ATF1: variants seen among roughly 807,000 people sequenced by gnomAD.
The protein encoded by ATF1 is cyclic AMP-dependent transcription factor ATF-1.
A neutral mutation model predicts 34.7 loss-of-function variants in ATF1; 16 were observed. The ratio of observed to expected loss-of-function variants is 0.46; its 90% CI spans 0.31 to 0.70. The LOEUF (loss-of-function observed/expected upper bound fraction) is 0.70. Ranked by LOEUF, ATF1 falls within the 30% of genes least tolerant of loss-of-function variation. ATF1 has a pLI of 0.05. For synonymous variants in ATF1, 105 were observed against 113.1 expected, an observed-to-expected ratio of 0.93 and a Z score of 0.46; for missense variants, 255 against 321.6, an observed-to-expected ratio of 0.79 and a Z score of 1.58.
In ATF1 at chr12:50,820,331, G is replaced by GGACTT. The variant is rs1373818033; in HGVS notation, c.*555_*559dup. 4 of 189,612 alleles carry GGACTT rather than the reference G, an allele frequency of 2.1e-5. No individual in the cohort carries two copies. Among genetic ancestry groups the GGACTT allele is most frequent in the African/African-American group, 7.0e-5 (3 of 42,944 alleles). The allele number at this position is 189,612 out of a possible 1,614,324, so 11.7% of individuals were successfully genotyped here. A position where few individuals can be genotyped will look rare whatever the true frequency, so the allele number is the denominator to read the frequency against. Reference sequence around the variant, plus strand: ...AGTGGGTTTTTAAAAGTTTGTTATTGGACTTGAATGGATTTTTGAGACTAG... The same window carrying GGACTT: ...AGTGGGTTTTTAAAAGTTTGTTATTGGACTTGACTTGAATGGATTTTTGAGACTAG... On this transcript the variant is annotated 3_prime_UTR_variant, in exon 7 of 7. Transcript: ENST00000262053.
At position 50,819,962 on chromosome 12, in the gene ATF1, C is replaced by G. The variant is rs1386752861; in HGVS notation, c.*183C>G. ...AAAGTGGAAAATGACCTCAAGGAAGCTACGGGCACAACTGGAAGCTTTGTA... is the reference window on the plus strand; with the variant it reads ...AAAGTGGAAAATGACCTCAAGGAAGGTACGGGCACAACTGGAAGCTTTGTA... On this transcript the variant is annotated 3_prime_UTR_variant, in exon 7 of 7. Transcript: ENST00000262053. 2 of 487,818 alleles carry G rather than the reference C, an allele frequency of 4.1e-6. No individual in the cohort carries two copies. The highest frequency in any genetic ancestry group is 7.1e-6 in the Non-Finnish European group (2 of 283,332). 30.2% of individuals were successfully genotyped at this position (487,818 alleles called of 1,614,324 possible).
chr12:50,781,290 T>C (rs927427750), intron 2 of ATF1, among the ~76,000 whole-genome samples: 5 of 152,222 alleles, frequency 3.3e-5, no homozygotes, highest in Non-Finnish European at 5.9e-5. Flanking sequence ...TGAATAGTTA[T>C]ACTATATGAC....
chr12:50,771,596 C>T (rs564277163), intron 1 of ATF1, among the ~76,000 whole-genome samples: 138 of 152,036 alleles, frequency 9.1e-4, no homozygotes, highest in Non-Finnish European at 1.6e-3. Flanking sequence ...TTCTCTTAGA[C>T]GGGGGGAAAT....
chr12:50,815,053 C>T (rs992640045), intron 6 of ATF1, among the ~76,000 whole-genome samples: 5 of 151,690 alleles, frequency 3.3e-5, no homozygotes, highest in East Asian at 1.9e-4. Context: ...ATCTGGGAGC[C>T]GAAGCTTGCA....
At chr12:50,774,965 C>G (rs919772422) in intron 1 of ATF1, among the ~76,000 whole-genome samples, 1 of 151,252 alleles carries the variant, frequency 6.6e-6, no homozygotes, top group Non-Finnish European at 1.5e-5. Flanking sequence ...AGAATGGTGT[C>G]GATCTCCTGA....
rs1202103977 is a variant in ATF1, at chr12:50,764,213, G to C, written c.-101G>C. On this transcript the variant is annotated 5_prime_UTR_variant, in exon 1 of 7. Transcript: ENST00000262053. ...GAGAAGGAGGCTTGTCCCCCGCTGC[G>C]TGAGGGGGTGGGGAAGTGGGTAGTG... is the stretch of plus-strand genomic sequence containing the variant. The C allele has an allele frequency of 6.6e-6, 1 of 152,022 alleles. No homozygotes were observed. Among genetic ancestry groups the C allele is most frequent in the Non-Finnish European group, 1.5e-5 (1 of 67,970 alleles). 9.4% of individuals were successfully genotyped at this position (152,022 alleles called of 1,614,324 possible).
At chr12:50,768,479 A>G (rs1940693126) in intron 1 of ATF1, among the ~76,000 whole-genome samples, 1 of 152,270 alleles carries the variant, frequency 6.6e-6, no homozygotes, top group South Asian at 2.1e-4. Context: ...AAGAGGCACC[A>G]GAGACCCCTT....
chr12:50,774,319 G>GC (rs747513135), intron 1 of ATF1, among the ~76,000 whole-genome samples: 1 of 152,202 alleles, frequency 6.6e-6, no homozygotes. Context: ...ACAGGCGTGA[G>GC]CCACCGCGCC....
rs138832141 is a variant in ATF1 at position 50,777,241 on chromosome 12, T to C, written c.-6-2899T>C. Among the ~76,000 whole-genome samples, 98 of 152,190 alleles carry C rather than the reference T, an allele frequency of 6.4e-4. 1 individual carries two copies. The highest frequency in any genetic ancestry group is 1.8e-3 in the African/African-American group (73 of 41,540). ...GGATACAAAATATGAGGATACAAAGTAGTACATGTAGTATGGTTATGACTT... is the reference window on the plus strand; with the variant it reads ...GGATACAAAATATGAGGATACAAAGCAGTACATGTAGTATGGTTATGACTT... On this transcript the variant is annotated intron_variant, in intron 1 of 6. Coordinates refer to ENST00000262053, the MANE Select transcript of ATF1 (RefSeq NM_005171.5).
At chr12:50,772,788 A>G (rs1488144778) in intron 1 of ATF1, among the ~76,000 whole-genome samples, 2 of 151,774 alleles carry the variant, frequency 1.3e-5, no homozygotes, top group East Asian at 3.9e-4. Context: ...TCCAGGGTAC[A>G]TGCACAGGAT....
At chr12:50,796,429 A>G (rs1204973904) in intron 3 of ATF1, among the ~76,000 whole-genome samples, 4 of 152,156 alleles carry the variant, frequency 2.6e-5, no homozygotes, top group Non-Finnish European at 4.4e-5. Flanking sequence ...GGCCGGATGC[A>G]GTGGCTTATG....
At chr12:50,772,523 A>G (rs1271349674) in intron 1 of ATF1, among the ~76,000 whole-genome samples, 1 of 151,852 alleles carries the variant, frequency 6.6e-6, no homozygotes, top group Non-Finnish European at 1.5e-5. Context: ...ACCGAGTTTC[A>G]CCATGTTGGT....
intron 1 of ATF1, among the ~76,000 whole-genome samples, chr12:50,777,872 A>G (rs1460690149): frequency 1.3e-5 from 2 of 152,014 alleles, no homozygotes; most frequent in African/African-American, 4.8e-5. Context: ...GAAGCCTGGC[A>G]GCTACCTAGC....
chr12:50,786,405 C>T (rs578116060), intron 2 of ATF1, among the ~76,000 whole-genome samples: 81 of 152,234 alleles, frequency 5.3e-4, no homozygotes, highest in Non-Finnish European at 9.4e-4. Flanking sequence ...CAAGTGTAGG[C>T]AAGCGTGAGC....
At chr12:50,815,995 C>T (rs371330273) in intron 6 of ATF1, among the ~76,000 whole-genome samples, 2 of 152,284 alleles carry the variant, frequency 1.3e-5, no homozygotes, top group South Asian at 4.1e-4. Flanking sequence ...ATCACATTCT[C>T]ACTTATATGT....
intron 1 of ATF1, 125 bp downstream of exon 1, chr12:50,764,432 G>C (rs1217506967): frequency 6.6e-6 from 1 of 151,674 alleles, no homozygotes; most frequent in Admixed American, 6.6e-5. Context: ...TGGTGGCGGT[G>C]GGGGAGGGGC....
chr12:50,796,434 C>G (rs1260055570), intron 3 of ATF1, among the ~76,000 whole-genome samples: 3 of 152,152 alleles, frequency 2.0e-5, no homozygotes, highest in Non-Finnish European at 4.4e-5. Flanking sequence ...GATGCAGTGG[C>G]TTATGCCTGT....
chr12:50,764,476 G>T (rs903554662), intron 1 of ATF1, 169 bp downstream of exon 1: 1 of 151,902 alleles, frequency 6.6e-6, no homozygotes, highest in African/African-American at 2.4e-5. Flanking sequence ...CCGCGCTTCC[G>T]GCCTCCGCGC....
chr12:50,791,482 G>A (rs1941301026), intron 2 of ATF1, among the ~76,000 whole-genome samples: 1 of 152,144 alleles, frequency 6.6e-6, no homozygotes, highest in Admixed American at 6.5e-5. Flanking sequence ...TTTGAACCCA[G>A]GGGTGGAGGT....
Sources: allele counts gnomAD v4.1 joint callset (sites outside exome capture counted in the v4.1 genomes callset), GRCh38; gene constraint gnomAD v4.1.1; transcripts MANE v1.5; gene names NCBI Gene and HGNC (gene_info 2026-07-23, HGNC 2026-07-21).